Variants in TRIM16 observed in about 807,000 individuals in gnomAD.
TRIM16 encodes tripartite motif-containing protein 16.
TRIM16 carries 33 observed loss-of-function variants against 50.4 expected under a neutral mutation model. The ratio of observed to expected loss-of-function variants is 0.65; its 90% CI spans 0.50 to 0.88. The LOEUF (loss-of-function observed/expected upper bound fraction) is 0.88, where lower values mean the gene tolerates loss of function less well. Ranked by LOEUF, TRIM16 falls within the 40% of genes least tolerant of loss-of-function variation. The probability of loss-of-function intolerance (pLI) is 0.00; values close to 1 mark genes in which losing one functional copy is unlikely to be tolerated. For synonymous variants in TRIM16, 229 were observed against 270.7 expected (o/e 0.85, Z 1.51); for missense variants, 581 against 686.8 (o/e 0.85, Z 1.72).
intron 7 of TRIM16, among the ~76,000 whole-genome samples, chr17:15,648,232 A>C (rs1987504923): frequency 6.7e-6 from 1 of 149,568 alleles, no homozygotes; most frequent in African/African-American, 2.5e-5. Flanking sequence ...TCTCAAAAAA[A>C]AAAAAAAACA....
chr17:15,669,944 C>A (rs976998812), intron 6 of TRIM16, among the ~76,000 whole-genome samples: 47 of 152,312 alleles, frequency 3.1e-4, no homozygotes, highest in African/African-American at 1.1e-3. Flanking sequence ...CAGACACTGG[C>A]AGTTGTCTCC....
At chr17:15,676,869 G>A (rs1427481688) in intron 6 of TRIM16, among the ~76,000 whole-genome samples, 2 of 152,062 alleles carry the variant, frequency 1.3e-5, no homozygotes, top group African/African-American at 4.8e-5. Context: ...AACTAGGTAG[G>A]ATAAGGACAG....
rs1298524924 is a variant in TRIM16 at position 15,651,431 on chromosome 17, C to T, written c.179G>A (p.Ser60Asn). Residue 60 changes from serine to asparagine, a missense_variant, in exon 7 of 12, where the codon AGC (serine) becomes AAC (asparagine). Ser to Asn is a conservative substitution (Grantham distance 46). Around this residue, in one of 3 missense-constraint regions of TRIM16, gnomAD observed 450 missense variants for 544.3 expected, o/e 0.83. Transcript: ENST00000649191. ...KLGRETEEQD[S>N]DSAEQGDPAG... ...AGGATCCCCCTGCTCTGCAGAGTCGCTGTCCTGTTCCTCCGTCTCCCTGCC... is the reference window on the plus strand; with the variant it reads ...AGGATCCCCCTGCTCTGCAGAGTCGTTGTCCTGTTCCTCCGTCTCCCTGCC... The T allele has an allele frequency of 6.2e-7, 1 of 1,613,188 alleles. No individual in the cohort carries two copies. Among genetic ancestry groups the T allele is most frequent in the Non-Finnish European group, 8.5e-7 (1 of 1,179,406 alleles).
chr17:15,651,902 G>A lies in TRIM16; in HGVS notation c.-293C>T. The A allele has an allele frequency of 7.4e-7, 1 of 1,350,036 alleles. No individual in the cohort carries two copies. Among genetic ancestry groups the A allele is most frequent in the Middle Eastern group, 2.9e-4 (1 of 3,476 alleles). The allele number at this position is 1,350,036 out of a possible 1,614,324, so 83.6% of individuals were successfully genotyped here. A position where few individuals can be genotyped will look rare whatever the true frequency, so the allele number is the denominator to read the frequency against. Reference sequence around the variant, plus strand: ...ACTTCTATTCTTATGTGAATCATCTGAACCCCATAGGCTCTGCTGAAGACC... The same window carrying A: ...ACTTCTATTCTTATGTGAATCATCTAAACCCCATAGGCTCTGCTGAAGACC... On this transcript the variant is annotated 5_prime_UTR_variant, in exon 7 of 12. It introduces an in-frame stop codon into an upstream open reading frame of the 5' UTR. Transcript: ENST00000649191.
chr17:15,663,595 T>C (rs1358761103), intron 6 of TRIM16, among the ~76,000 whole-genome samples: 1 of 152,202 alleles, frequency 6.6e-6, no homozygotes, highest in Non-Finnish European at 1.5e-5. Flanking sequence ...CTATCTAAAC[T>C]GCTTGTTTTC....
chr17:15,679,307 C>T (rs1989079291), intron 4 of TRIM16, among the ~76,000 whole-genome samples: 1 of 152,150 alleles, frequency 6.6e-6, no homozygotes, highest in South Asian at 2.1e-4. Context: ...GTAGAATGCT[C>T]CTGGATATGT....
chr17:15,645,238 A>T (rs1987311670), intron 7 of TRIM16, among the ~76,000 whole-genome samples: 1 of 152,232 alleles, frequency 6.6e-6, no homozygotes, highest in African/African-American at 2.4e-5. Flanking sequence ...GTATGTCAAT[A>T]AGAACTTTGT....
rs776545609 is a variant in TRIM16, at chr17:15,628,619, G to A, written c.1691C>T (p.Pro564Leu). The A allele has an allele frequency of 9.4e-6, 15 of 1,603,608 alleles. No individual in the cohort carries two copies. The Admixed American group carries it at 2.0e-4, about 22-fold the overall frequency. Residue 564 changes from proline to leucine, a missense_variant, in exon 12 of 12, where the codon CCC (proline) becomes CTC (leucine). Coordinates refer to ENST00000649191, the MANE Select transcript of TRIM16 (RefSeq NM_001348119.1). ...KPAPSLVGTA[P>L] is the part of the protein sequence containing the mutation. Reference sequence around the variant, plus strand: ...CTGGGATATGGCTCCTGGAGTCTAGGGAGCAGTCCCCACCAAGGACGGTGC... The same window carrying A: ...CTGGGATATGGCTCCTGGAGTCTAGAGAGCAGTCCCCACCAAGGACGGTGC...
At chr17:15,650,017 C>T (rs897210869) in intron 7 of TRIM16, among the ~76,000 whole-genome samples, 2 of 152,154 alleles carry the variant, frequency 1.3e-5, no homozygotes, top group Non-Finnish European at 2.9e-5. Context: ...CTTCCCGGGC[C>T]GGAAACAGTG....
At chr17:15,661,324 G>A (rs1428021884) in intron 6 of TRIM16, among the ~76,000 whole-genome samples, 2 of 152,208 alleles carry the variant, frequency 1.3e-5, no homozygotes, top group Non-Finnish European at 2.9e-5. Flanking sequence ...GATTTGAGGA[G>A]GTGAAGGCTC....
intron 6 of TRIM16, among the ~76,000 whole-genome samples, chr17:15,676,251 G>A (rs148394659): frequency 3.9e-5 from 6 of 152,132 alleles, no homozygotes; most frequent in African/African-American, 9.6e-5. Flanking sequence ...CCCCCGGGGG[G>A]CAAACTTGCC....
chr17:15,682,753 G>A, intron 3 of TRIM16, 101 bp downstream of exon 3: 1 of 1,132,996 alleles, frequency 8.8e-7, no homozygotes, highest in Admixed American at 3.9e-5. Context: ...AAAGGCAGGT[G>A]GTATAATGGA....
chr17:15,632,423 C>G (rs1986475741), intron 10 of TRIM16, 86 bp downstream of exon 10: 1 of 1,438,558 alleles, frequency 7.0e-7, no homozygotes, highest in South Asian at 1.6e-5. Context: ...TGATTTCATC[C>G]TCCCTTCCCT....
At chr17:15,666,505 C>T (rs1228759269) in intron 6 of TRIM16, among the ~76,000 whole-genome samples, 1 of 152,164 alleles carries the variant, frequency 6.6e-6, no homozygotes, top group African/African-American at 2.4e-5. Context: ...GTAACCACCA[C>T]CCAATCAAGA....
intron 6 of TRIM16, among the ~76,000 whole-genome samples, chr17:15,663,111 C>T (rs1988316266): frequency 6.6e-6 from 1 of 152,176 alleles, no homozygotes; most frequent in African/African-American, 2.4e-5. Flanking sequence ...ACAATACCCC[C>T]TCAGGAACTG....
At chr17:15,645,867 G>A (rs1219270447) in intron 7 of TRIM16, among the ~76,000 whole-genome samples, 8 of 152,224 alleles carry the variant, frequency 5.3e-5, no homozygotes, top group Non-Finnish European at 1.2e-4. Context: ...GCCTGGGAGT[G>A]GGGAGTGGGG....
chr17:15,665,280 C>A (rs11868662), intron 6 of TRIM16, among the ~76,000 whole-genome samples: 3,883 of 152,072 alleles, frequency 0.026, 144 homozygotes, highest in African/African-American at 0.088. Flanking sequence ...TGGGAGGCTG[C>A]GGCGGGCAGA....
At chr17:15,668,688 C>CCTT (rs1988605684) in intron 6 of TRIM16, among the ~76,000 whole-genome samples, 1 of 152,194 alleles carries the variant, frequency 6.6e-6, no homozygotes, top group Non-Finnish European at 1.5e-5. Flanking sequence ...TTCTTCCCAT[C>CCTT]CTTCTTCACC....
intron 3 of TRIM16, 83 bp downstream of exon 3, chr17:15,682,771 C>T (rs1414890348): frequency 9.4e-6 from 12 of 1,273,558 alleles, no homozygotes; most frequent in Admixed American, 7.1e-5. Context: ...GGAAAGAGTA[C>T]GGAAGTAAGG....
Sources: gnomAD v4.1 joint callset for allele counts (sites outside exome capture counted in the v4.1 genomes callset) on GRCh38, gnomAD v4.1.1 for gene constraint, gnomAD v4.1.1 regional missense constraint, MANE v1.5 for transcripts, NCBI Gene and HGNC (gene_info 2026-07-23, HGNC 2026-07-21) for gene names.